The following STT3B variants were observed in gnomAD, a reference collection of about 807,000 sequenced individuals.
STT3B encodes dolichyl-diphosphooligosaccharide--protein glycosyltransferase subunit STT3B.
STT3B carries 29 observed loss-of-function variants against 96.8 expected under a neutral mutation model. The ratio of observed to expected loss-of-function variants is 0.30; its 90% CI spans 0.22 to 0.41. The LOEUF is 0.41. Among genes scored for constraint, STT3B ranks in the 10% least tolerant of loss-of-function variants. The pLI is 1.00. For synonymous variants in STT3B, 367 were observed against 360.0 expected, an observed-to-expected ratio of 1.02 and a Z score of -0.22; for missense variants, 640 against 1,022.3, an observed-to-expected ratio of 0.63 and a Z score of 5.10.
In STT3B at chr3:31,604,137, G is replaced by T. The variant is rs140708790; in HGVS notation, c.877+3678G>T. 3.3e-4 allele frequency among the ~76,000 whole-genome samples: 50 copies of T among 152,252 alleles called. No individual in the cohort carries two copies. In the East Asian group the frequency reaches 9.3e-3, roughly 28 times the overall value. On this transcript the variant is annotated intron_variant, in intron 5 of 15. Transcript: ENST00000295770. ...GCATTGTCTATGTTTTCTGCAGTGAGTTGAGTAAGGAGAGTAACAGTTGTT... is the reference window on the plus strand; with the variant it reads ...GCATTGTCTATGTTTTCTGCAGTGATTTGAGTAAGGAGAGTAACAGTTGTT...
chr3:31,635,503 G>A (rs909279186), intron 15 of STT3B, among the ~76,000 whole-genome samples: 1 of 152,168 alleles, frequency 6.6e-6, no homozygotes, highest in African/African-American at 2.4e-5. Flanking sequence ...AATGTGCCAA[G>A]TGATTATATC....
intron 1 of STT3B, among the ~76,000 whole-genome samples, chr3:31,574,458 CT>C (rs1455574996): frequency 1.3e-5 from 2 of 152,132 alleles, no homozygotes; most frequent in Non-Finnish European, 2.9e-5. Flanking sequence ...AACTTTGTCA[CT>C]TCCATGGTGG....
At chr3:31,622,035 C>G in intron 9 of STT3B, 62 bp from the exon 10 acceptor site, 9 of 1,203,758 alleles carry the variant, frequency 7.5e-6, no homozygotes, top group African/African-American at 1.5e-5. Flanking sequence ...TTTTAAGTAT[C>G]TAGTTCAGTT....
intron 1 of STT3B, among the ~76,000 whole-genome samples, chr3:31,575,129 G>T (rs1698237100): frequency 6.6e-6 from 1 of 152,016 alleles, no homozygotes; most frequent in Admixed American, 6.6e-5. Flanking sequence ...TACTATCATA[G>T]GTACTGTTGT....
chr3:31,567,088 A>C, intron 1 of STT3B, among the ~76,000 whole-genome samples: 1 of 152,146 alleles, frequency 6.6e-6, no homozygotes, highest in East Asian at 1.9e-4. Context: ...TATCCATGGG[A>C]GACAACCCTG....
chr3:31,609,577 G>T (rs965008882), intron 5 of STT3B, among the ~76,000 whole-genome samples: 1 of 151,784 alleles, frequency 6.6e-6, no homozygotes, highest in African/African-American at 2.4e-5. Flanking sequence ...TGCTGAGTTT[G>T]TTTTTTTGTT....
intron 14 of STT3B, 27 bp downstream of exon 14, chr3:31,629,438 T>C: frequency 1.6e-6 from 2 of 1,270,868 alleles, no homozygotes; most frequent in Non-Finnish European, 2.3e-6. Flanking sequence ...TTTCTCTAAT[T>C]TTCATTCAAA....
At chr3:31,618,658 G>A (rs1699363660) in intron 8 of STT3B, among the ~76,000 whole-genome samples, 1 of 151,930 alleles carries the variant, frequency 6.6e-6, no homozygotes, top group African/African-American at 2.4e-5. Context: ...TTATTGAACA[G>A]ACATGCTTTC....
Position 31,618,002 on chromosome 3 carries a change from C to T in STT3B, c.1172+14C>T. Reference sequence around the variant, plus strand: ...GTGGGATACTGGGTAAGTACAGTTACATTATTTGGCATCATATTTATTGAA... The same window carrying T: ...GTGGGATACTGGGTAAGTACAGTTATATTATTTGGCATCATATTTATTGAA... On this transcript the variant is annotated intron_variant, in intron 8 of 15. Coordinates refer to ENST00000295770, the MANE Select transcript of STT3B (RefSeq NM_178862.3). The T allele has an allele frequency of 6.5e-7, 1 of 1,533,208 alleles. No homozygotes were observed. Among genetic ancestry groups the T allele is most frequent in the East Asian group, 2.3e-5 (1 of 44,182 alleles). 95.0% of individuals were successfully genotyped at this position (1,533,208 alleles called of 1,614,324 possible).
chr3:31,602,075 G>C (rs956260834), intron 5 of STT3B, among the ~76,000 whole-genome samples: 1 of 152,158 alleles, frequency 6.6e-6, no homozygotes, highest in Middle Eastern at 3.4e-3. Context: ...AGTGTGCTGT[G>C]ATCTTGCCAC....
At position 31,614,382 on chromosome 3, in the gene STT3B, G is replaced by A. The variant is rs889477272; in HGVS notation, c.878-723G>A. Among the ~76,000 whole-genome samples the A allele has an allele frequency of 1.2e-4, 18 of 151,996 alleles. 1 individual carries two copies. The South Asian group carries it at 3.3e-3, about 28-fold the overall frequency. On this transcript the variant is annotated intron_variant, in intron 5 of 15. Transcript: ENST00000295770. ...CGTAACAGTGGTCTGTGAATATAAA[G>A]CAGGTATTTGACACAAATTGTAAAT... is the stretch of plus-strand genomic sequence containing the variant.
At position 31,622,024 on chromosome 3, in the gene STT3B, G is replaced by GTGTGA. The variant is rs66468423; in HGVS notation, c.1328-72_1328-71insGTGAT. Reference sequence around the variant, plus strand: ...TATATAATTCCAGGTTGGTTTTATAGTTTTAAGTATCTAGTTCAGTTTCCT... The same window carrying GTGTGA: ...TATATAATTCCAGGTTGGTTTTATAGTGTGATTTTAAGTATCTAGTTCAGTTTCCT... On this transcript the variant is annotated intron_variant, in intron 9 of 15. Transcript: ENST00000295770. The GTGTGA allele has an allele frequency of 3.4e-6, 4 of 1,166,950 alleles. No individual in the cohort carries two copies. The South Asian group carries it at 5.0e-5, about 15-fold the overall frequency. The allele number at this position is 1,166,950 out of a possible 1,614,324, so 72.3% of individuals were successfully genotyped here.
At chr3:31,617,287 C>G (rs1484665873) in intron 7 of STT3B, among the ~76,000 whole-genome samples, 1 of 146,214 alleles carries the variant, frequency 6.8e-6, no homozygotes, top group African/African-American at 2.5e-5. Context: ...TAGTCCCAAA[C>G]TATAAAAAGA....
intron 1 of STT3B, among the ~76,000 whole-genome samples, chr3:31,559,592 G>A (rs375478111): frequency 1.3e-5 from 2 of 151,670 alleles, no homozygotes; most frequent in Non-Finnish European, 2.9e-5. Context: ...TTTTTAATTC[G>A]TTAAGACTTG....
chr3:31,609,990 A>T (rs1034823093), intron 5 of STT3B, among the ~76,000 whole-genome samples: 1 of 152,242 alleles, frequency 6.6e-6, no homozygotes, highest in Non-Finnish European at 1.5e-5. Flanking sequence ...TTCATTCTCA[A>T]CATAGTTTAT....
intron 1 of STT3B, among the ~76,000 whole-genome samples, chr3:31,573,449 G>A (rs922660400): frequency 1.3e-5 from 2 of 152,142 alleles, no homozygotes; most frequent in Non-Finnish European, 2.9e-5. Flanking sequence ...AGTGCTAGTA[G>A]CAGAATAAGA....
intron 1 of STT3B, among the ~76,000 whole-genome samples, chr3:31,549,258 CT>C (rs1301186521): frequency 1.3e-5 from 2 of 151,064 alleles, no homozygotes; most frequent in African/African-American, 2.4e-5. Flanking sequence ...TAGGAACATA[CT>C]TTTTTTTTCA....
intron 1 of STT3B, among the ~76,000 whole-genome samples, chr3:31,563,499 A>G (rs772369294): frequency 6.6e-6 from 1 of 152,220 alleles, no homozygotes; most frequent in Non-Finnish European, 1.5e-5. Context: ...AGGCTATTAA[A>G]AAAGTAATAT....
chr3:31,559,663 T>G (rs1697821394), intron 1 of STT3B, among the ~76,000 whole-genome samples: 1 of 152,140 alleles, frequency 6.6e-6, no homozygotes, highest in Non-Finnish European at 1.5e-5. Flanking sequence ...CAGAATAATG[T>G]GTATTCTGTA....
Sources: allele counts gnomAD v4.1 joint callset (sites outside exome capture counted in the v4.1 genomes callset), GRCh38; gene constraint gnomAD v4.1.1; transcripts MANE v1.5; gene names NCBI Gene and HGNC (gene_info 2026-07-23, HGNC 2026-07-21).